DNAH2: variants seen among roughly 807,000 people sequenced by gnomAD.
DNAH2 encodes the protein dynein axonemal heavy chain 2.
Under a neutral mutation model 523.5 loss-of-function variants are expected in DNAH2, and 323 were observed. The ratio of observed to expected loss-of-function variants is 0.62; its 90% confidence interval spans 0.56 to 0.68. The LOEUF is 0.68. DNAH2 is among the 30% of genes least tolerant of loss of function. The pLI is 0.00. For missense variants in DNAH2, 4,907 were observed against 5,701.5 expected (o/e 0.86, Z 4.49); for synonymous variants, 2,093 against 2,177.4 (o/e 0.96, Z 1.08).
At chr17:7,822,323 G>A (rs1473326134) in intron 73 of DNAH2, among the ~76,000 whole-genome samples, 1 of 151,930 alleles carries the variant, frequency 6.6e-6, no homozygotes, top group African/African-American at 2.4e-5. Context: ...CATGGCTGGC[G>A]CCACCTCCCA....
At chr17:7,737,893 CA>C in intron 8 of DNAH2, 3 of 687,334 alleles carry the variant, frequency 4.4e-6, no homozygotes, top group Non-Finnish European at 5.3e-6. Flanking sequence ...GAAGCACGGG[CA>C]GGGGGATGCA....
chr17:7,788,269 G>A, intron 44 of DNAH2, 25 bp downstream of exon 44: 5 of 1,541,554 alleles, frequency 3.2e-6, no homozygotes, highest in South Asian at 1.2e-5. Flanking sequence ...CAGACCACGG[G>A]CAGGGGCAGG....
intron 2 of DNAH2, among the ~76,000 whole-genome samples, chr17:7,723,036 C>T (rs993210527): frequency 7.6e-6 from 1 of 130,756 alleles, no homozygotes; most frequent in Non-Finnish European, 1.6e-5. Context: ...GTGGCGCAAT[C>T]TCGGCTCACT....
chr17:7,758,503 C>A lies in DNAH2; in HGVS notation c.2060C>A (p.Ala687Asp), dbSNP rs772334731. ...LVARDYNRII[A>D]MLSPDEQALF... ...GCCTCTCTTATGCACAGGATTATTG[C>A]CATGCTGTCCCCAGATGAGCAGGCC... is the stretch of plus-strand genomic sequence containing the variant. The change falls in exon 14 of 86, where the codon GCC becomes GAC. Residue 687 changes from alanine to aspartate, a missense_variant. By Grantham distance (126) the Ala-to-Asp change is moderately radical. Around this residue, in one of 3 missense-constraint regions of DNAH2, gnomAD observed 2,806 missense variants for 3,190.8 expected, o/e 0.88. Coordinates refer to ENST00000572933, the MANE Select transcript of DNAH2 (RefSeq NM_020877.5). 4.3e-6 allele frequency: 7 copies of A among 1,613,798 alleles called. No individual in the cohort carries two copies. The East Asian group carries it at 1.6e-4, about 36-fold the overall frequency.
chr17:7,817,889 C>G (rs375945692), intron 67 of DNAH2, 33 bp downstream of exon 67: 5 of 1,612,598 alleles, frequency 3.1e-6, no homozygotes, highest in East Asian at 4.5e-5. Context: ...TAGCCCCCCC[C>G]TTCCTGAGGC....
At position 7,786,503 on chromosome 17, in the gene DNAH2, G is replaced by T; in HGVS notation, c.6349-67G>T. 2 of 1,511,152 alleles carry T rather than the reference G, an allele frequency of 1.3e-6. No individual in the cohort carries two copies. 93.6% of individuals were successfully genotyped at this position (1,511,152 alleles called of 1,614,324 possible). ...AAGGGACAAATGCACGTACCTAAGA[G>T]GGGTCTGGAAATAAAGAGGGGTTTT... On this transcript the variant is annotated intron_variant, in intron 40 of 85. Coordinates refer to ENST00000572933, the MANE Select transcript of DNAH2 (RefSeq NM_020877.5). This position sits in a 1 kb window ranked among gnomAD's most constrained non-coding sequence, Gnocchi z 7.5.
At chr17:7,743,784 G>C (rs1471178306) in intron 12 of DNAH2, 1 of 163,218 alleles carries the variant, frequency 6.1e-6, no homozygotes, top group Non-Finnish European at 1.3e-5. Flanking sequence ...CCTGACTGTT[G>C]GTGGGGCTGT....
chr17:7,819,224 G>A lies in DNAH2; in HGVS notation c.10831G>A (p.Ala3611Thr), dbSNP rs373672740. The A allele has an allele frequency of 5.6e-6, 9 of 1,613,598 alleles. No individual in the cohort carries two copies. The highest frequency in any genetic ancestry group is 1.6e-4 in the Middle Eastern group (1 of 6,072). Residue 3611 changes from alanine (A) to threonine (T), a missense_variant, in exon 72 of 86, where the codon GCC becomes ACC. Transcript: ENST00000572933. ...DLAREAYRPC[A>T]QRASILFFVL... ...CCACCGGCAGGCTTACCGCCCATGC[G>A]CCCAGCGGGCATCAATCCTGTTCTT...
chr17:7,830,650 A>C lies in DNAH2; in HGVS notation c.12046-8A>C. The C allele has an allele frequency of 6.2e-7, 1 of 1,613,808 alleles. No individual in the cohort carries two copies. Among genetic ancestry groups the C allele is most frequent in the Non-Finnish European group, 8.5e-7 (1 of 1,179,688 alleles). ...GGGAATGGGGGCTTGGGCTGGGATC[A>C]TGCCTAGGTGTCAGAAAACTTGCTG... On this transcript the variant is annotated splice_polypyrimidine_tract_variant and splice_region_variant and intron_variant, in intron 78 of 85. Transcript: ENST00000572933.
Position 7,779,491 on chromosome 17 carries a change from G to C in DNAH2, c.5722+68G>C, listed in dbSNP as rs111516749. 642 of 1,490,476 alleles carry C rather than the reference G, an allele frequency of 4.3e-4. 3 individuals carry two copies. In the African/African-American group the frequency reaches 7.6e-3, roughly 18 times the overall value. 92.3% of individuals were successfully genotyped at this position (1,490,476 alleles called of 1,614,324 possible). A position where few individuals can be genotyped will look rare whatever the true frequency, so the allele number is the denominator to read the frequency against. On this transcript the variant is annotated intron_variant, in intron 36 of 85. Transcript: ENST00000572933. ...CTGGGTGTTCAGGGGAAATAACTGC[G>C]CATCCTCCTCTTCCCCCTTCCATGC... is the stretch of plus-strand genomic sequence containing the variant.
intron 22 of DNAH2, 86 bp from the exon 23 acceptor site, chr17:7,767,814 G>A: frequency 1.3e-6 from 2 of 1,569,552 alleles, no homozygotes; most frequent in South Asian, 2.3e-5. Flanking sequence ...AAGCTTCACA[G>A]AGCGAGAGCA....
chr17:7,735,989 G>A (rs957386719), intron 7 of DNAH2, among the ~76,000 whole-genome samples: 1 of 151,906 alleles, frequency 6.6e-6, no homozygotes, highest in African/African-American at 2.4e-5. Context: ...CTGACCTCAG[G>A]TGATCCACCC....
chr17:7,745,517 T>TA (rs1022955759), intron 12 of DNAH2, among the ~76,000 whole-genome samples: 2 of 151,552 alleles, frequency 1.3e-5, no homozygotes, highest in South Asian at 2.1e-4. Flanking sequence ...AAGTTAAATT[T>TA]AAAAAAAATG....
intron 11 of DNAH2, among the ~76,000 whole-genome samples, chr17:7,741,296 T>TTCTTTCTTTCTTTCTTTCTTC (rs1567624948): frequency 9.6e-5 from 4 of 41,824 alleles, no homozygotes; most frequent in Non-Finnish European, 1.2e-4. Flanking sequence ...CTTTCTTTCT[T>TTCTTTCTTTCTTTCTTTCTTC]CCTTCCTTCC....
Position 7,770,840 on chromosome 17 carries a change from G to A in DNAH2, c.4269G>A (p.Glu1423=). ...MKASRFVKAF[E]KDVDHWERCL... The stretch of plus-strand genomic sequence containing the variant: ...CATCACGCTTTGTCAAGGCCTTTGA[G>A]AAGGATGTGGACCACTGGGAACGCT... The change falls in exon 27 of 86, where the codon GAG becomes GAA. Residue 1423 remains glutamate, a synonymous_variant. Transcript: ENST00000572933. 6.2e-7 allele frequency: 1 copy of A among 1,614,212 alleles called. No individual in the cohort carries two copies. The highest frequency in any genetic ancestry group is 8.5e-7 in the Non-Finnish European group (1 of 1,180,040).
chr17:7,789,770 G>T (rs1350512196), intron 44 of DNAH2, among the ~76,000 whole-genome samples: 1 of 151,938 alleles, frequency 6.6e-6, no homozygotes, highest in Non-Finnish European at 1.5e-5. Context: ...TAGAGATGGG[G>T]TTTCACCTTG....
chr17:7,751,969 G>A (rs2075697048), intron 12 of DNAH2, among the ~76,000 whole-genome samples: 2 of 143,730 alleles, frequency 1.4e-5, no homozygotes, highest in African/African-American at 2.6e-5. Flanking sequence ...ACTGAGTCTT[G>A]TTCTGTCATG....
rs1567622411 is a variant in DNAH2, at chr17:7,740,540, C to G, written c.1497C>G (p.Ala499=). 8 of 1,613,704 alleles carry G rather than the reference C, an allele frequency of 5.0e-6. No homozygotes were observed. The highest frequency in any genetic ancestry group is 6.8e-6 in the Non-Finnish European group (8 of 1,179,976). ...VLLLDTFHRL[A]SREAIKRTYD... ...TGCTGGACACCTTCCACAGGCTTGC[C>G]TCCCGCGAGGTGCGGCTGCCCCGCG... The change falls in exon 10 of 86, where the codon GCC becomes GCG. Residue 499 remains alanine, a synonymous_variant. Coordinates refer to ENST00000572933, the MANE Select transcript of DNAH2 (RefSeq NM_020877.5).
Position 7,723,628 on chromosome 17 carries a change from A to C in DNAH2, c.167A>C (p.Glu56Ala). 6.2e-7 allele frequency: 1 copy of C among 1,613,772 alleles called. No individual in the cohort carries two copies. The highest frequency in any genetic ancestry group is 1.1e-5 in the South Asian group (1 of 91,074). The change falls in exon 3 of 86, where the codon GAG (glutamate) becomes GCG (alanine). Residue 56 changes from glutamate to alanine, a missense_variant and splice_region_variant. By Grantham distance (107) the Glu-to-Ala change is moderately radical (BLOSUM62 -1). This residue lies in a region of DNAH2 where 2,806 missense variants were observed against 3,190.8 expected (regional missense o/e 0.88). Coordinates refer to ENST00000572933, the MANE Select transcript of DNAH2 (RefSeq NM_020877.5). The part of the protein sequence containing the change: ...LQAELPKEEP[E>A]PRLEGPQAQS... ...CTTTTTGTATGTTTATTCTTCCTAGAGCCACGGTTGGAGGGACCTCAAGCA... is the reference window on the plus strand; with the variant it reads ...CTTTTTGTATGTTTATTCTTCCTAGCGCCACGGTTGGAGGGACCTCAAGCA...
Sources: allele counts gnomAD v4.1 joint callset (sites outside exome capture counted in the v4.1 genomes callset), GRCh38; gene constraint gnomAD v4.1.1; regional missense constraint gnomAD v4.1.1; non-coding constraint Gnocchi (gnomAD v3.1); transcripts MANE v1.5; gene names NCBI Gene and HGNC (gene_info 2026-07-23, HGNC 2026-07-21).